Variants in HLCS observed in about 807,000 individuals in gnomAD.
HLCS encodes the protein holocarboxylase synthetase.
Under a neutral mutation model 75.0 loss-of-function variants are expected in HLCS, and 53 were observed. The observed-to-expected ratio is 0.71, with a 90% confidence interval of 0.57 to 0.89. The LOEUF (loss-of-function observed/expected upper bound fraction) is 0.89, where lower values mean the gene tolerates loss of function less well. HLCS is among the 40% of genes least tolerant of loss of function. HLCS has a pLI of 0.00. For synonymous variants in HLCS, 431 were observed against 428.6 expected (o/e 1.01, Z -0.07); for missense variants, 966 against 1,074.0 (o/e 0.90, Z 1.41).
intron 1 of HLCS, among the ~76,000 whole-genome samples, chr21:36,985,681 G>T (rs1005468849): frequency 6.6e-6 from 1 of 152,062 alleles, no homozygotes; most frequent in East Asian, 1.9e-4. Flanking sequence ...CAGGAGAATC[G>T]CTTGGACCTG....
intron 6 of HLCS, among the ~76,000 whole-genome samples, chr21:36,826,644 T>C (rs1398467146): frequency 6.6e-6 from 1 of 152,238 alleles, no homozygotes; most frequent in Non-Finnish European, 1.5e-5. Context: ...AACATTCTAC[T>C]GTACCACATT....
intron 2 of HLCS, among the ~76,000 whole-genome samples, chr21:36,953,356 C>T (rs1283929203): frequency 2.0e-5 from 3 of 152,020 alleles, no homozygotes; most frequent in Non-Finnish European, 2.9e-5. Flanking sequence ...TGGAGTAGCA[C>T]GGGAGCCAGA....
intron 6 of HLCS, among the ~76,000 whole-genome samples, chr21:36,827,034 A>C (rs1281200072): frequency 6.6e-6 from 1 of 152,172 alleles, no homozygotes; most frequent in East Asian, 1.9e-4. Flanking sequence ...CTAATAACAC[A>C]GACCTGTGGC....
chr21:36,794,451 C>T (rs954816315), intron 6 of HLCS, among the ~76,000 whole-genome samples: 1 of 152,192 alleles, frequency 6.6e-6, no homozygotes, highest in Non-Finnish European at 1.5e-5. Flanking sequence ...CAGGCAGAGG[C>T]AGCGGCAAGG....
intron 6 of HLCS, among the ~76,000 whole-genome samples, chr21:36,863,234 T>A (rs373822134): frequency 6.6e-6 from 1 of 152,174 alleles, no homozygotes; most frequent in South Asian, 2.1e-4. Flanking sequence ...TCGCATAGAA[T>A]GATGCACAGA....
intron 6 of HLCS, among the ~76,000 whole-genome samples, chr21:36,845,821 G>A (rs946106414): frequency 6.6e-6 from 1 of 152,100 alleles, no homozygotes; most frequent in Non-Finnish European, 1.5e-5. Flanking sequence ...TAAGAAATAA[G>A]CCTGGCCTAT....
intron 3 of HLCS, among the ~76,000 whole-genome samples, chr21:36,937,722 T>C (rs1234518782): frequency 6.6e-6 from 1 of 152,176 alleles, no homozygotes; most frequent in East Asian, 1.9e-4. Flanking sequence ...TTCTATTTCT[T>C]GGGTGTTATT....
At chr21:36,938,110 G>A (rs368696077) in intron 3 of HLCS, among the ~76,000 whole-genome samples, 1 of 152,116 alleles carries the variant, frequency 6.6e-6, no homozygotes, top group African/African-American at 2.4e-5. Flanking sequence ...CCTGAAAAAC[G>A]ATTTGTCCCA....
intron 5 of HLCS, among the ~76,000 whole-genome samples, chr21:36,922,152 T>C (rs1031255481): frequency 6.6e-6 from 1 of 152,224 alleles, no homozygotes; most frequent in East Asian, 1.9e-4. Flanking sequence ...ATTTGAGTTA[T>C]AGAATTTTTT....
At chr21:36,829,836 G>C (rs2062137166) in intron 6 of HLCS, among the ~76,000 whole-genome samples, 1 of 152,190 alleles carries the variant, frequency 6.6e-6, no homozygotes, top group Admixed American at 6.5e-5. Flanking sequence ...GGAGGGGCAG[G>C]CACGCAGCTA....
intron 1 of HLCS, among the ~76,000 whole-genome samples, chr21:36,989,338 T>TA (rs397692658): frequency 1.6e-5 from 2 of 128,104 alleles, no homozygotes; most frequent in South Asian, 2.8e-4. Flanking sequence ...TTTTTTTTTT[T>TA]AATGAGACGG....
At chr21:36,864,331 T>C (rs2063482745) in intron 6 of HLCS, among the ~76,000 whole-genome samples, 1 of 151,178 alleles carries the variant, frequency 6.6e-6, no homozygotes, top group Non-Finnish European at 1.5e-5. Flanking sequence ...ACCTGGGAGA[T>C]GGAGGCTGCA....
chr21:36,965,782 A>T (rs1255744387), intron 1 of HLCS, among the ~76,000 whole-genome samples: 1 of 147,088 alleles, frequency 6.8e-6, no homozygotes, highest in Non-Finnish European at 1.5e-5. Context: ...CCCAGACTGG[A>T]GTGCAATGGC....
intron 6 of HLCS, among the ~76,000 whole-genome samples, chr21:36,843,748 AT>A (rs2146106126): frequency 6.6e-6 from 1 of 152,036 alleles, no homozygotes; most frequent in East Asian, 1.9e-4. Flanking sequence ...CATGCCTGTA[AT>A]CCCAACACTT....
At chr21:36,827,467 G>A (rs539654925) in intron 6 of HLCS, among the ~76,000 whole-genome samples, 280 of 151,594 alleles carry the variant, frequency 1.8e-3, no homozygotes, top group African/African-American at 6.0e-3. Flanking sequence ...CCAGCTACTC[G>A]GGAGGCTGAG....
intron 2 of HLCS, among the ~76,000 whole-genome samples, chr21:36,941,294 C>T (rs1047197438): frequency 6.6e-6 from 1 of 152,228 alleles, no homozygotes; most frequent in Non-Finnish European, 1.5e-5. Context: ...TACCTTGCTT[C>T]CCCCTTTGCC....
At chr21:36,910,207 A>T (rs2065639237) in intron 5 of HLCS, among the ~76,000 whole-genome samples, 1 of 152,220 alleles carries the variant, frequency 6.6e-6, no homozygotes, top group Non-Finnish European at 1.5e-5. Flanking sequence ...GTCTTCACTC[A>T]CAGGACAAAG....
chr21:36,802,681 G>A (rs528442922), intron 6 of HLCS, among the ~76,000 whole-genome samples: 114 of 152,202 alleles, frequency 7.5e-4, no homozygotes, highest in African/African-American at 2.5e-3. Context: ...TCTTTGCGTC[G>A]TACTGAACTT....
chr21:36,802,612 G>C (rs557169406), intron 6 of HLCS, among the ~76,000 whole-genome samples: 2 of 152,292 alleles, frequency 1.3e-5, no homozygotes, highest in African/African-American at 4.8e-5. Flanking sequence ...CAGATGAGTG[G>C]CACAGCCAAG....
Sources: gnomAD v4.1 joint callset for allele counts (sites outside exome capture counted in the v4.1 genomes callset) on GRCh38, gnomAD v4.1.1 for gene constraint, MANE v1.5 for transcripts, NCBI Gene and HGNC (gene_info 2026-07-23, HGNC 2026-07-21) for gene names.